Variants in PDZD2 observed in about 807,000 individuals in gnomAD.
The protein encoded by PDZD2 is PDZ domain-containing protein 2.
A neutral mutation model predicts 220.7 loss-of-function variants in PDZD2; 90 were observed. That is an observed-to-expected ratio of 0.41 (90% CI 0.34 to 0.49). The LOEUF is 0.49. PDZD2 is among the 20% of genes least tolerant of loss of function. PDZD2 has a pLI of 0.28. For missense variants in PDZD2, 3,174 were observed against 3,608.5 expected (o/e 0.88, Z 3.08); for synonymous variants, 1,375 against 1,450.5 (o/e 0.95, Z 1.18).
chr5:31,692,361 G>A (rs1319727464), intron 1 of PDZD2, among the ~76,000 whole-genome samples: 1 of 152,236 alleles, frequency 6.6e-6, no homozygotes, highest in Admixed American at 6.5e-5. Context: ...AAACCTCCCT[G>A]AAAGCTGAGG....
At position 32,071,759 on chromosome 5, in the gene PDZD2, A is replaced by C. The variant is rs574803338; in HGVS notation, c.2568+341A>C. ...ATCTTCCTCAGCTAGGCTCTTGCTG[A>C]GTCTCAGTGCGTCAGGGTGCAGGAT... On this transcript the variant is annotated intron_variant, in intron 16 of 24. Coordinates refer to ENST00000438447, the MANE Select transcript of PDZD2 (RefSeq NM_178140.4). Among the ~76,000 whole-genome samples, 62 of 152,256 alleles carry C rather than the reference A, an allele frequency of 4.1e-4. No individual in the cohort carries two copies. In the Middle Eastern group the frequency reaches 0.01, roughly 25 times the overall value.
At chr5:31,668,368 C>T (rs1411097207) in intron 1 of PDZD2, among the ~76,000 whole-genome samples, 6 of 152,204 alleles carry the variant, frequency 3.9e-5, no homozygotes, top group East Asian at 1.9e-4. Context: ...TGCCCACCAC[C>T]GGGCAAGTGT....
At chr5:31,706,578 G>A (rs1747831299) in intron 1 of PDZD2, among the ~76,000 whole-genome samples, 2 of 152,100 alleles carry the variant, frequency 1.3e-5, no homozygotes, top group Non-Finnish European at 2.9e-5. Flanking sequence ...GGATGCAGTG[G>A]CTCACACCTG....
At chr5:31,903,010 GA>G (rs1020501073) in intron 2 of PDZD2, among the ~76,000 whole-genome samples, 61 of 148,582 alleles carry the variant, frequency 4.1e-4, no homozygotes, top group East Asian at 7.9e-4. Context: ...ATGCAGGAGG[GA>G]AAAAAAAAAG....
intron 2 of PDZD2, among the ~76,000 whole-genome samples, chr5:31,858,426 A>G (rs989072853): frequency 1.3e-5 from 2 of 152,336 alleles, no homozygotes; most frequent in South Asian, 2.1e-4. Flanking sequence ...ATCTGACTCC[A>G]TCTTGCTTCT....
At chr5:32,044,268 TC>T (rs1266259416) in intron 7 of PDZD2, among the ~76,000 whole-genome samples, 1 of 152,014 alleles carries the variant, frequency 6.6e-6, no homozygotes, top group African/African-American at 2.4e-5. Flanking sequence ...AGCGGAGGTT[TC>T]AGTGAGCTGA....
chr5:31,983,272 A>G lies in PDZD2; in HGVS notation c.594A>G (p.Gly198=), dbSNP rs1475834754. The G allele has an allele frequency of 6.2e-7, 1 of 1,614,216 alleles. No homozygotes were observed. The highest frequency in any genetic ancestry group is 2.2e-5 in the East Asian group (1 of 44,886). The change falls in exon 3 of 25, where the codon GGA becomes GGG. Residue 198 remains glycine, a synonymous_variant. Transcript: ENST00000438447. ...ACAGTAGCAACAGCTCTGAACCAGGAGAAACACCTACCTTGGAGCTGGGTG... is the reference window on the plus strand; with the variant it reads ...ACAGTAGCAACAGCTCTGAACCAGGGGAAACACCTACCTTGGAGCTGGGTG... ...NGNSSNSSEP[G]ETPTLELGDR... is the part of the protein sequence containing the mutation.
At chr5:32,019,139 C>CTTTTTT (rs3037908) in intron 6 of PDZD2, among the ~76,000 whole-genome samples, 8 of 106,194 alleles carry the variant, frequency 7.5e-5, no homozygotes, top group Admixed American at 2.3e-4. Flanking sequence ...CATAGAAAAG[C>CTTTTTT]TTTTTTTTTT....
At chr5:31,839,071 C>T (rs539361913) in intron 2 of PDZD2, among the ~76,000 whole-genome samples, 1 of 152,312 alleles carries the variant, frequency 6.6e-6, no homozygotes, top group Admixed American at 6.5e-5. Context: ...GTACAGGTTG[C>T]CCTCTCCTGC....
chr5:31,747,518 G>C (rs1750672132), intron 1 of PDZD2: 1 of 152,164 alleles, frequency 6.6e-6, no homozygotes, highest in African/African-American at 2.4e-5. Context: ...GGGGTAGTGT[G>C]TCCTGAATAC....
At chr5:32,059,488 G>C (rs572026673) in intron 13 of PDZD2, 132 bp downstream of exon 13, 185 of 479,820 alleles carry the variant, frequency 3.9e-4, no homozygotes, top group Non-Finnish European at 6.0e-4. Flanking sequence ...ACGTAGCCAA[G>C]ACTACAATTA....
At chr5:31,885,932 A>G in intron 2 of PDZD2, among the ~76,000 whole-genome samples, 1 of 127,298 alleles carries the variant, frequency 7.9e-6, no homozygotes, top group South Asian at 2.3e-4. Flanking sequence ...TTTTTTTTTT[A>G]AAATAATTTC....
rs1207627623 is a variant in PDZD2 at position 31,923,661 on chromosome 5, G to A, written c.477-59494G>A. 10 of 680,244 alleles carry A rather than the reference G, an allele frequency of 1.5e-5. 1 individual carries two copies. In the Admixed American group the frequency reaches 1.8e-4, roughly 12 times the overall value. 42.1% of individuals were successfully genotyped at this position (680,244 alleles called of 1,614,324 possible). ...GGATGGCACAAGGCTCTTCACAGATGAACCTGTAGCAGAGTGGAACTTGTA... is the reference window on the plus strand; with the variant it reads ...GGATGGCACAAGGCTCTTCACAGATAAACCTGTAGCAGAGTGGAACTTGTA... On this transcript the variant is annotated intron_variant, in intron 2 of 24. Coordinates refer to ENST00000438447, the MANE Select transcript of PDZD2 (RefSeq NM_178140.4).
intron 2 of PDZD2, among the ~76,000 whole-genome samples, chr5:31,938,340 C>T (rs765794759): frequency 6.6e-6 from 1 of 152,192 alleles, no homozygotes; most frequent in Non-Finnish European, 1.5e-5. Context: ...GTTTCTTAGT[C>T]TGTATTGGTG....
At chr5:31,960,735 C>T (rs936009411) in intron 2 of PDZD2, among the ~76,000 whole-genome samples, 5 of 137,760 alleles carry the variant, frequency 3.6e-5, no homozygotes, top group African/African-American at 1.3e-4. Flanking sequence ...TCTGAAGTAA[C>T]CCGTGCTTCT....
intron 1 of PDZD2, among the ~76,000 whole-genome samples, chr5:31,721,300 A>G (rs1266531682): frequency 1.3e-5 from 2 of 152,178 alleles, no homozygotes; most frequent in Non-Finnish European, 2.9e-5. Flanking sequence ...AGAAGAAAAG[A>G]TAGATTGGAG....
chr5:32,052,734 A>C lies in PDZD2; in HGVS notation c.1785+4A>C. On this transcript the variant is annotated splice_donor_region_variant and intron_variant, in intron 9 of 24. Coordinates refer to ENST00000438447, the MANE Select transcript of PDZD2 (RefSeq NM_178140.4). ...GTTGTACAAAGAAAAAGGCAAGGTG[A>C]GCTCTTTTCTGCAGACTGTTCTGCC... is the stretch of plus-strand genomic sequence containing the variant. 1 of 1,613,704 alleles carries C rather than the reference A, an allele frequency of 6.2e-7. No individual in the cohort carries two copies.
At chr5:32,095,974 A>G (rs1225862064) in intron 21 of PDZD2, among the ~76,000 whole-genome samples, 1 of 146,674 alleles carries the variant, frequency 6.8e-6, no homozygotes, top group African/African-American at 2.5e-5. Flanking sequence ...CCATCTCCTG[A>G]CCATGTGAAC....
At chr5:32,094,463 G>C (rs971101314) in intron 21 of PDZD2, among the ~76,000 whole-genome samples, 2 of 152,124 alleles carry the variant, frequency 1.3e-5, no homozygotes, top group African/African-American at 4.8e-5. Flanking sequence ...TTCAAATATA[G>C]AGGGGCTGTG....
Sources: allele counts gnomAD v4.1 joint callset (sites outside exome capture counted in the v4.1 genomes callset), GRCh38; gene constraint gnomAD v4.1.1; transcripts MANE v1.5; gene names NCBI Gene and HGNC (gene_info 2026-07-23, HGNC 2026-07-21).